Variants in BIRC6 observed in about 807,000 individuals in gnomAD.
BIRC6 encodes the protein dual E2 ubiquitin-conjugating enzyme/E3 ubiquitin-protein ligase BIRC6.
Under a neutral mutation model 503.3 loss-of-function variants are expected in BIRC6, and 98 were observed. The ratio of observed to expected loss-of-function variants is 0.19; its 90% CI spans 0.17 to 0.23. BIRC6 has a LOEUF of 0.23. BIRC6 is among the 10% of genes least tolerant of loss of function. The pLI, the probability that BIRC6 is intolerant of heterozygous loss-of-function variation, is 1.00. For synonymous variants in BIRC6, 2,240 were observed against 2,078.7 expected (o/e 1.08, Z -2.11); for missense variants, 5,360 against 5,806.0 (o/e 0.92, Z 2.50).
At chr2:32,423,002 A>G (rs2043103906) in intron 10 of BIRC6, among the ~76,000 whole-genome samples, 1 of 152,074 alleles carries the variant, frequency 6.6e-6, no homozygotes. Flanking sequence ...AGTGGTGCCG[A>G]TCTCAGCTCA....
At chr2:32,517,381 A>T (rs1358266316) in intron 55 of BIRC6, among the ~76,000 whole-genome samples, 1 of 152,124 alleles carries the variant, frequency 6.6e-6, no homozygotes, top group Non-Finnish European at 1.5e-5. Flanking sequence ...AGAGAAAGAT[A>T]TTTAACTGCC....
At chr2:32,585,384 GTT>G (rs571780668) in intron 66 of BIRC6, among the ~76,000 whole-genome samples, 2 of 143,160 alleles carry the variant, frequency 1.4e-5, no homozygotes, top group Non-Finnish European at 1.5e-5. Flanking sequence ...TGGTTCTTTT[GTT>G]TTTTTTTTTT....
intron 73 of BIRC6, among the ~76,000 whole-genome samples, chr2:32,613,763 T>A (rs951687817): frequency 6.6e-6 from 1 of 152,244 alleles, no homozygotes; most frequent in African/African-American, 2.4e-5. Flanking sequence ...GTACTATACT[T>A]TTCATCTGTA....
At chr2:32,503,310 T>G (rs1481738801) in intron 49 of BIRC6, 74 bp downstream of exon 49, 1 of 1,250,010 alleles carries the variant, frequency 8.0e-7, no homozygotes, top group Non-Finnish European at 1.1e-6. Context: ...CAAAATTAGT[T>G]GAAGTCAGTT....
At chr2:32,579,661 C>G (rs1372722546) in intron 66 of BIRC6, among the ~76,000 whole-genome samples, 2 of 151,986 alleles carry the variant, frequency 1.3e-5, no homozygotes, top group Non-Finnish European at 2.9e-5. Flanking sequence ...TGCATTCTAT[C>G]CTGGGCGACA....
At chr2:32,495,116 C>G (rs922016755) in intron 45 of BIRC6, among the ~76,000 whole-genome samples, 1 of 152,182 alleles carries the variant, frequency 6.6e-6, no homozygotes, top group African/African-American at 2.4e-5. Flanking sequence ...AATTTTAACT[C>G]TGCAGGCTTT....
At chr2:32,508,301 T>TTTTTG in intron 51 of BIRC6, 42 bp downstream of exon 51, 1 of 1,319,862 alleles carries the variant, frequency 7.6e-7, no homozygotes, top group East Asian at 2.5e-5. Context: ...TTTTTTTTTT[T>TTTTTG]TTGGCATGGT....
Position 32,499,940 on chromosome 2 carries a change from T to C in BIRC6, c.8862T>C (p.Val2954=). 6.2e-7 allele frequency: 1 copy of C among 1,613,990 alleles called. No individual in the cohort carries two copies. The highest frequency in any genetic ancestry group is 8.5e-7 in the Non-Finnish European group (1 of 1,179,880). The change falls in exon 46 of 74, where the codon GTT becomes GTC. Residue 2954 remains valine (V), a synonymous_variant. Transcript: ENST00000421745. ...TGACCACAAATACAACAGATAGTGTTTCAGATGAAGAAAAAGTCTCAGGAG... is the reference window on the plus strand; with the variant it reads ...TGACCACAAATACAACAGATAGTGTCTCAGATGAAGAAAAAGTCTCAGGAG... The part of the protein sequence containing the change: ...VSVTTNTTDS[V]SDEEKVSGGK...
chr2:32,430,170 C>G (rs1296857819), intron 11 of BIRC6, among the ~76,000 whole-genome samples: 1 of 151,978 alleles, frequency 6.6e-6, no homozygotes, highest in Admixed American at 6.6e-5. Flanking sequence ...ATACTCTAAA[C>G]CTACCAGATT....
chr2:32,450,872 C>T (rs1346667701), intron 22 of BIRC6, among the ~76,000 whole-genome samples: 1 of 152,180 alleles, frequency 6.6e-6, no homozygotes. Flanking sequence ...ACTTCTTATA[C>T]TGTATTGTTT....
chr2:32,395,410 G>C, intron 5 of BIRC6, 101 bp from the exon 6 acceptor site: 4 of 904,656 alleles, frequency 4.4e-6, no homozygotes, highest in Non-Finnish European at 6.7e-6. Context: ...TTTCAGTATA[G>C]AATTTTACTT....
intron 39 of BIRC6, among the ~76,000 whole-genome samples, chr2:32,482,921 T>G (rs947417760): frequency 2.3e-5 from 3 of 129,606 alleles, no homozygotes; most frequent in South Asian, 2.5e-4. Context: ...ATTTTTGCAG[T>G]TTTTTTTTTT....
chr2:32,458,466 A>G (rs924184915), intron 23 of BIRC6, among the ~76,000 whole-genome samples: 3 of 151,910 alleles, frequency 2.0e-5, no homozygotes, highest in East Asian at 1.9e-4. Flanking sequence ...AGAATTTTCA[A>G]TTGTTTTATC....
chr2:32,546,715 A>T (rs901941361), intron 63 of BIRC6, among the ~76,000 whole-genome samples: 1 of 152,228 alleles, frequency 6.6e-6, no homozygotes, highest in African/African-American at 2.4e-5. Flanking sequence ...TTATAAAGAT[A>T]TATTTTAGAA....
intron 36 of BIRC6, among the ~76,000 whole-genome samples, 185 bp downstream of exon 36, chr2:32,479,003 A>G (rs549947564): frequency 3.9e-5 from 6 of 152,352 alleles, no homozygotes; most frequent in African/African-American, 1.4e-4. Flanking sequence ...ATTTAAGTAT[A>G]TTGATAGTCG....
At chr2:32,593,844 G>T in intron 66 of BIRC6, 71 bp from the exon 67 acceptor site, 1 of 1,319,896 alleles carries the variant, frequency 7.6e-7, no homozygotes. Context: ...TTTGTATATT[G>T]ATTTATGGAG....
At chr2:32,545,583 T>C (rs2058002402) in intron 62 of BIRC6, 60 bp from the exon 63 acceptor site, 4 of 1,390,184 alleles carry the variant, frequency 2.9e-6, no homozygotes, top group Middle Eastern at 2.4e-4. Flanking sequence ...ACCCTGTATG[T>C]AACTTCTTAT....
rs147100254 is a variant in BIRC6, at chr2:32,570,575, T to G, written c.13145-4581T>G. Among the ~76,000 whole-genome samples, 48 of 152,302 alleles carry G rather than the reference T, an allele frequency of 3.2e-4. No individual in the cohort carries two copies. In the East Asian group the frequency reaches 7.9e-3, roughly 25 times the overall value. The stretch of plus-strand genomic sequence containing the variant: ...GTGCAATGGTATTATCCTGGCTCAC[T>G]GCAACCTCCACTTTCTGGGTTCAAG... On this transcript the variant is annotated intron_variant, in intron 65 of 73. Coordinates refer to ENST00000421745, the MANE Select transcript of BIRC6 (RefSeq NM_016252.4).
At chr2:32,524,113 AATTC>A (rs2056037599) in intron 57 of BIRC6, among the ~76,000 whole-genome samples, 1 of 152,100 alleles carries the variant, frequency 6.6e-6, no homozygotes, top group South Asian at 2.1e-4. Flanking sequence ...ATTTCAAATC[AATTC>A]ATTCAGCCTT....
Sources: allele counts gnomAD v4.1 joint callset (sites outside exome capture counted in the v4.1 genomes callset), GRCh38; gene constraint gnomAD v4.1.1; transcripts MANE v1.5; gene names NCBI Gene and HGNC (gene_info 2026-07-23, HGNC 2026-07-21).